DOCK7: variants seen among roughly 807,000 people sequenced by gnomAD.
DOCK7 encodes dedicator of cytokinesis protein 7.
In DOCK7, 138 loss-of-function variants were observed where a neutral mutation model predicts 271.0. The ratio of observed to expected loss-of-function variants is 0.51; its 90% CI spans 0.44 to 0.59. The LOEUF is 0.59. Ranked by LOEUF, DOCK7 falls within the 20% of genes least tolerant of loss-of-function variation. DOCK7 has a pLI of 0.00. For synonymous variants in DOCK7, 823 were observed against 876.1 expected (o/e 0.94, Z 1.07); for missense variants, 2,066 against 2,592.4 (o/e 0.80, Z 4.41).
chr1:62,592,844 C>A (rs1427101144), intron 14 of DOCK7, among the ~76,000 whole-genome samples: 1 of 152,084 alleles, frequency 6.6e-6, no homozygotes, highest in East Asian at 1.9e-4. Context: ...TTTTGAAGGA[C>A]AATCTGACAA....
chr1:62,503,857 C>T (rs1386247485), intron 37 of DOCK7, among the ~76,000 whole-genome samples: 1 of 152,038 alleles, frequency 6.6e-6, no homozygotes, highest in East Asian at 1.9e-4. Context: ...ACCATCCTGG[C>T]TAACATGGTG....
chr1:62,619,901 T>C lies in DOCK7; in HGVS notation c.1518A>G (p.Thr506=). 6.2e-7 allele frequency: 1 copy of C among 1,606,754 alleles called. No individual in the cohort carries two copies. Among genetic ancestry groups the C allele is most frequent in the Non-Finnish European group, 8.5e-7 (1 of 1,175,430 alleles). Residue 506 remains threonine (T), a splice_region_variant and synonymous_variant, in exon 13 of 50, where the codon ACA becomes ACG. Transcript: ENST00000635253. ...SSVLRRLRPI[T]AQLKIDISPA... is the part of the protein sequence containing the mutation. The stretch of plus-strand genomic sequence containing the variant: ...TTTCTACTCAAAATTTTTAAATACC[T>C]GTAATAGGTCTTAGTCGCCGTAAGA...
rs78035360 is a variant in DOCK7, at chr1:62,477,977, A to G, written c.5509-152T>C. On this transcript the variant is annotated intron_variant, in intron 43 of 49. Transcript: ENST00000635253. ...TAATATTTTAAATGAAGGTTTAAAC[A>G]AAGTAAACAGTCTTTCCTTTTTCAT... The G allele has an allele frequency of 1.0e-4, 88 of 856,176 alleles. No individual in the cohort carries two copies. In the East Asian group the frequency reaches 2.6e-3, roughly 25 times the overall value. The allele number at this position is 856,176 out of a possible 1,614,324, so 53.0% of individuals were successfully genotyped here.
chr1:62,501,119 G>A (rs150815970), intron 37 of DOCK7, among the ~76,000 whole-genome samples: 1 of 152,262 alleles, frequency 6.6e-6, no homozygotes, highest in Non-Finnish European at 1.5e-5. Flanking sequence ...AGGCCGTGCA[G>A]GGAGGACTGC....
chr1:62,521,568 T>C (rs1644851737), intron 31 of DOCK7, among the ~76,000 whole-genome samples: 4 of 152,238 alleles, frequency 2.6e-5, no homozygotes. Context: ...GAAAAAAGTT[T>C]ACATCTACTA....
intron 1 of DOCK7, among the ~76,000 whole-genome samples, chr1:62,681,979 A>C (rs773152124): frequency 6.6e-6 from 1 of 152,180 alleles, no homozygotes; most frequent in South Asian, 2.1e-4. Context: ...CAAAAGTCAG[A>C]ATGGTGGACT....
rs142716417 is a variant in DOCK7, at chr1:62,583,604, T to C, written c.1801-350A>G. Among the ~76,000 whole-genome samples the C allele has an allele frequency of 9.7e-4, 148 of 152,294 alleles. 4 individuals are homozygous for C. The East Asian group carries it at 0.027, about 28-fold the overall frequency. On this transcript the variant is annotated intron_variant, in intron 15 of 49. Transcript: ENST00000635253. ...TTGGAACTTATGTAAGAAATATAAA[T>C]AGTGGCATAAACCTACTATACAAAT...
intron 1 of DOCK7, among the ~76,000 whole-genome samples, chr1:62,677,644 T>A (rs1393569731): frequency 6.7e-6 from 1 of 149,856 alleles, no homozygotes; most frequent in Non-Finnish European, 1.5e-5. Flanking sequence ...AACCCCAAAA[T>A]AAAAGGGAGT....
intron 14 of DOCK7, among the ~76,000 whole-genome samples, chr1:62,591,033 T>C (rs1444986042): frequency 1.3e-5 from 2 of 152,092 alleles, no homozygotes; most frequent in African/African-American, 4.8e-5. Context: ...TAAAGACATA[T>C]GCACATGAAT....
rs1300668786 is a variant in DOCK7, at chr1:62,682,259, C to G, written c.38+5968G>C. ...CACTTATATTCTTGAACTGCACAAT[C>G]CCATGATGAAAGCTGTGTTTTAGGG... On this transcript the variant is annotated intron_variant, in intron 1 of 49. Coordinates refer to ENST00000635253, the MANE Select transcript of DOCK7 (RefSeq NM_001367561.1). Among the ~76,000 whole-genome samples the G allele has an allele frequency of 2.6e-5, 4 of 152,182 alleles. No individual in the cohort carries two copies. The East Asian group carries it at 7.7e-4, about 29-fold the overall frequency.
intron 37 of DOCK7, among the ~76,000 whole-genome samples, chr1:62,496,920 T>A (rs922246067): frequency 6.6e-6 from 1 of 152,180 alleles, no homozygotes; most frequent in South Asian, 2.1e-4. Flanking sequence ...ACACACATCA[T>A]GCATAAAGTA....
intron 10 of DOCK7, among the ~76,000 whole-genome samples, chr1:62,633,268 C>A (rs1001100417): frequency 1.3e-4 from 20 of 151,948 alleles, no homozygotes; most frequent in African/African-American, 4.4e-4. Context: ...AAGAATACCA[C>A]AGCATATGAA....
chr1:62,643,022 G>T (rs1656226483), intron 7 of DOCK7, among the ~76,000 whole-genome samples: 1 of 145,514 alleles, frequency 6.9e-6, no homozygotes, highest in Non-Finnish European at 1.5e-5. Context: ...GCCACAAGAG[G>T]TCTTACAGCT....
At chr1:62,499,836 C>T (rs1646728179) in intron 37 of DOCK7, among the ~76,000 whole-genome samples, 2 of 151,860 alleles carry the variant, frequency 1.3e-5, no homozygotes, top group Admixed American at 1.3e-4. Flanking sequence ...GCTATGACTG[C>T]ACCACTGCAC....
rs769024680 is a variant in DOCK7, at chr1:62,510,553, A to C, written c.4379+24T>G. ...TTAAAATTCAACACACCCATCAGTAACATAAAATAGAAAGCTGTATTACTT... is the reference window on the plus strand; with the variant it reads ...TTAAAATTCAACACACCCATCAGTACCATAAAATAGAAAGCTGTATTACTT... On this transcript the variant is annotated intron_variant, in intron 34 of 49. Coordinates refer to ENST00000635253, the MANE Select transcript of DOCK7 (RefSeq NM_001367561.1). 32 of 1,580,420 alleles carry C rather than the reference A, an allele frequency of 2.0e-5. No individual in the cohort carries two copies. The African/African-American group carries it at 3.5e-4, about 17-fold the overall frequency.
intron 1 of DOCK7, among the ~76,000 whole-genome samples, chr1:62,665,450 A>G (rs1221253161): frequency 6.6e-6 from 1 of 151,972 alleles, no homozygotes; most frequent in Admixed American, 6.5e-5. Context: ...TCGCGCCTGT[A>G]ATCCCAGCAC....
chr1:62,503,154 AACAG>A (rs1646835816), intron 37 of DOCK7, among the ~76,000 whole-genome samples: 1 of 152,294 alleles, frequency 6.6e-6, no homozygotes, highest in Admixed American at 6.5e-5. Flanking sequence ...CTAAAGGAGA[AACAG>A]ACAAACACAG....
At position 62,625,280 on chromosome 1, in the gene DOCK7, T is replaced by C. The variant is rs771483690; in HGVS notation, c.1404A>G (p.Thr468=). The change falls in exon 12 of 50, where the codon ACA becomes ACG. Residue 468 remains threonine, a synonymous_variant. Coordinates refer to ENST00000635253, the MANE Select transcript of DOCK7 (RefSeq NM_001367561.1). ...NLTSFRPATL[T]VTNFFKQEGD... ...ATACCTGCTTAAAAAAATTTGTCAC[T>C]GTGAGAGTAGCTGGTCGAAAGCTCG... 3 of 1,614,000 alleles carry C rather than the reference T, an allele frequency of 1.9e-6. No individual in the cohort carries two copies. Among genetic ancestry groups the C allele is most frequent in the South Asian group, 2.2e-5 (2 of 91,068 alleles).
At position 62,496,346 on chromosome 1, in the gene DOCK7, G is replaced by T; in HGVS notation, c.4916C>A (p.Pro1639His). ...EDLELRETTF[P>H]DQVQDLVFNL... ...GAAAGCAGCATTTCTGACCTGATCA[G>T]GAAATGTTGTTTCCCTCAATTCCAG... Residue 1639 changes from proline (P) to histidine (H), a missense_variant, in exon 38 of 50, where the codon CCT becomes CAT. By Grantham distance (77) the Pro-to-His change is moderately conservative. Coordinates refer to ENST00000635253, the MANE Select transcript of DOCK7 (RefSeq NM_001367561.1). 1 of 1,613,112 alleles carries T rather than the reference G, an allele frequency of 6.2e-7. No homozygotes were observed. The highest frequency in any genetic ancestry group is 8.5e-7 in the Non-Finnish European group (1 of 1,179,538).
Sources: gnomAD v4.1 joint callset for allele counts (sites outside exome capture counted in the v4.1 genomes callset) on GRCh38, gnomAD v4.1.1 for gene constraint, MANE v1.5 for transcripts, NCBI Gene and HGNC (gene_info 2026-07-23, HGNC 2026-07-21) for gene names.